Variants in NEU3 observed in about 807,000 individuals in gnomAD.
NEU3 encodes the protein sialidase-3.
NEU3 carries 10 observed loss-of-function variants against 11.4 expected under a neutral mutation model. The ratio of observed to expected loss-of-function variants is 0.88; its 90% confidence interval spans 0.54 to 1.49. The LOEUF is 1.49. Among genes scored for constraint, NEU3 ranks in the 40% most tolerant of loss-of-function variants. The pLI is 0.00. For missense variants in NEU3, 529 were observed against 581.8 expected, an observed-to-expected ratio of 0.91 and a Z score of 0.93; for synonymous variants, 212 against 228.2, an observed-to-expected ratio of 0.93 and a Z score of 0.64.
rs561505270 is a variant in NEU3, at chr11:75,009,984, C to G, written c.*3492C>G. 6.6e-6 allele frequency: 1 copy of G among 152,392 alleles called. No individual in the cohort carries two copies. Among genetic ancestry groups the G allele is most frequent in the Admixed American group, 6.5e-5 (1 of 15,304 alleles). The allele number at this position is 152,392 out of a possible 1,614,324, so 9.4% of individuals were successfully genotyped here. A position where few individuals can be genotyped will look rare whatever the true frequency, so the allele number is the denominator to read the frequency against. The stretch of plus-strand genomic sequence containing the variant: ...AACCTGAGTCTCCACAGCCTCCTCC[C>G]CAGGGCAGTAGGAATTGATATCTCA... On this transcript the variant is annotated 3_prime_UTR_variant, in exon 3 of 3. Transcript: ENST00000294064.
In NEU3 at chr11:75,008,730, A is replaced by G. The variant is rs967356996; in HGVS notation, c.*2238A>G. ...CCACTACGCCCAGCTAATTTTTTGT[A>G]TTTTTAGTAGAGACGGGGTTTCACC... is the stretch of plus-strand genomic sequence containing the variant. On this transcript the variant is annotated 3_prime_UTR_variant, in exon 3 of 3. Transcript: ENST00000294064. 2.2e-4 allele frequency: 34 copies of G among 151,706 alleles called. No homozygotes were observed. The highest frequency in any genetic ancestry group is 4.6e-4 in the Non-Finnish European group (31 of 67,948). The allele number at this position is 151,706 out of a possible 1,614,324, so 9.4% of individuals were successfully genotyped here.
In NEU3 at chr11:75,005,520, C is replaced by T; in HGVS notation, c.414C>T (p.Ile138=). 1 of 1,614,008 alleles carries T rather than the reference C, an allele frequency of 6.2e-7. No individual in the cohort carries two copies. The highest frequency in any genetic ancestry group is 8.5e-7 in the Non-Finnish European group (1 of 1,179,892). ...GTGGTTGTGTGTTCCTGTTCTTCAT[C>T]TGTGTGCGGGGCCATGTCACAGAGC... The part of the protein sequence containing the change: ...QKSGCVFLFF[I]CVRGHVTERQ... Residue 138 remains isoleucine, a synonymous_variant, in exon 3 of 3, where the codon ATC becomes ATT. Transcript: ENST00000294064.
Position 75,005,816 on chromosome 11 carries a change from A to G in NEU3, c.710A>G (p.Tyr237Cys). The G allele has an allele frequency of 6.2e-7, 1 of 1,613,980 alleles. No homozygotes were observed. The highest frequency in any genetic ancestry group is 8.5e-7 in the Non-Finnish European group (1 of 1,179,892). The stretch of plus-strand genomic sequence containing the variant: ...ACCAGGCCTCATTCTCTGATGATCT[A>G]CAGTGATGACCTAGGGGTCACATGG... Reference protein sequence around the residue: ...CKTRPHSLMIYSDDLGVTWHH... With the variant: ...CKTRPHSLMICSDDLGVTWHH... Residue 237 changes from tyrosine (Y) to cysteine (C), a missense_variant, in exon 3 of 3, where the codon TAC becomes TGC. Coordinates refer to ENST00000294064, the MANE Select transcript of NEU3 (RefSeq NM_006656.6).
chr11:75,003,308 G>T (rs1243439687), intron 2 of NEU3, among the ~76,000 whole-genome samples: 1 of 152,176 alleles, frequency 6.6e-6, no homozygotes, highest in African/African-American at 2.4e-5. Flanking sequence ...CAGCCTTTCA[G>T]TTACTTCTTT....
At chr11:75,016,371 A>G (rs1948981427) in intron 3 of NEU3, among the ~76,000 whole-genome samples, 1 of 152,178 alleles carries the variant, frequency 6.6e-6, no homozygotes, top group Non-Finnish European at 1.5e-5. Flanking sequence ...TTTGGGGTCA[A>G]GGCATTGGAA....
Position 75,010,416 on chromosome 11 carries a change from T to C in NEU3, c.*3924T>C, listed in dbSNP as rs376601996. On this transcript the variant is annotated 3_prime_UTR_variant, in exon 3 of 3. Coordinates refer to ENST00000294064, the MANE Select transcript of NEU3 (RefSeq NM_006656.6). ...AACCATCCTTGGCCTCTGGAGCTAATTGAGAAGGCTAGGGGGAGTTCCGCT... is the reference window on the plus strand; with the variant it reads ...AACCATCCTTGGCCTCTGGAGCTAACTGAGAAGGCTAGGGGGAGTTCCGCT... 7.9e-5 allele frequency: 12 copies of C among 152,226 alleles called. No individual in the cohort carries two copies. Among genetic ancestry groups the C allele is most frequent in the African/African-American group, 2.9e-4 (12 of 41,456 alleles). 9.4% of individuals were successfully genotyped at this position (152,226 alleles called of 1,614,324 possible).
chr11:75,004,186 T>C (rs1303727099), intron 2 of NEU3: 5 of 455,328 alleles, frequency 1.1e-5, no homozygotes, highest in Admixed American at 5.3e-5. Flanking sequence ...AATCCATATA[T>C]GAAAGTCCAG....
At chr11:74,999,923 C>T (rs1010776582) in intron 2 of NEU3, among the ~76,000 whole-genome samples, 1 of 152,174 alleles carries the variant, frequency 6.6e-6, no homozygotes, top group African/African-American at 2.4e-5. Context: ...CTTTCTGTAA[C>T]TTCTTAGGGC....
At chr11:75,001,779 A>T (rs918678545) in intron 2 of NEU3, among the ~76,000 whole-genome samples, 1 of 152,182 alleles carries the variant, frequency 6.6e-6, no homozygotes, top group East Asian at 1.9e-4. Flanking sequence ...ACCTGGCTCA[A>T]ATAATTTTCT....
At chr11:74,999,362 C>T (rs939595751) in intron 2 of NEU3, among the ~76,000 whole-genome samples, 1 of 152,220 alleles carries the variant, frequency 6.6e-6, no homozygotes, top group Non-Finnish European at 1.5e-5. Flanking sequence ...ACTCAGTAGT[C>T]ACACACATCC....
At chr11:74,984,361 A>G (rs944923107), upstream of NEU3, among the ~76,000 whole-genome samples, 2 of 152,188 alleles carry the variant, frequency 1.3e-5, no homozygotes, top group Non-Finnish European at 2.9e-5. Flanking sequence ...CCTTTAAGGC[A>G]CTTCATTACA....
At chr11:75,014,362 C>T (rs1948972462), downstream of NEU3, among the ~76,000 whole-genome samples, 1 of 152,114 alleles carries the variant, frequency 6.6e-6, no homozygotes, top group Non-Finnish European at 1.5e-5. Flanking sequence ...GGGACTACAG[C>T]CAGTAACCCT....
chr11:75,000,125 A>G (rs919679852), intron 2 of NEU3, among the ~76,000 whole-genome samples: 12 of 152,336 alleles, frequency 7.9e-5, no homozygotes, highest in Admixed American at 5.2e-4. Context: ...TTGAAAGTAA[A>G]ATAGCACTTT....
At chr11:74,983,163 C>T in the NEU3 span, among the ~76,000 whole-genome samples, 42 of 152,056 alleles carry the variant, frequency 2.8e-4, no homozygotes, top group Non-Finnish European at 5.0e-4. Context: ...GGGATAATTG[C>T]ATGGGAAAGG....
At chr11:74,991,467 G>A (rs933640203) in intron 1 of NEU3, among the ~76,000 whole-genome samples, 7 of 152,224 alleles carry the variant, frequency 4.6e-5, no homozygotes, top group Non-Finnish European at 1.0e-4. Flanking sequence ...CTAGGAGGCT[G>A]TAGCCAAAAG....
rs1948907550 is a variant in NEU3 at position 75,007,110 on chromosome 11, T to G, written c.*618T>G. The G allele has an allele frequency of 6.6e-6, 1 of 152,374 alleles. No individual in the cohort carries two copies. Among genetic ancestry groups the G allele is most frequent in the Non-Finnish European group, 1.5e-5 (1 of 68,164 alleles). 9.4% of individuals were successfully genotyped at this position (152,374 alleles called of 1,614,324 possible). On this transcript the variant is annotated 3_prime_UTR_variant, in exon 3 of 3. Transcript: ENST00000294064. Reference sequence around the variant, plus strand: ...AAGAATCATGAAGTCTCCTACCTTCTACAGCCTTGTAGTTCTGCTTACCTT... The same window carrying G: ...AAGAATCATGAAGTCTCCTACCTTCGACAGCCTTGTAGTTCTGCTTACCTT...
intron 2 of NEU3, among the ~76,000 whole-genome samples, chr11:74,999,719 G>C (rs1036767188): frequency 6.6e-6 from 1 of 152,202 alleles, no homozygotes; most frequent in Non-Finnish European, 1.5e-5. Context: ...TGCTGTGGCA[G>C]CTGGTTTTTA....
Position 75,006,374 on chromosome 11 carries a change from CCAAG to C in NEU3, c.1273_1276del (p.Gln425SerfsTer16). 2 of 1,613,926 alleles carry C rather than the reference CCAAG, an allele frequency of 1.2e-6. No individual in the cohort carries two copies. Among genetic ancestry groups the C allele is most frequent in the Non-Finnish European group, 1.7e-6 (2 of 1,179,894 alleles). ...TTTGGGTGTTTGTTTGAATGTGGGA[CCAAG>C]CAAGAGTGTGAGCAGATTGCCTTCC... On this transcript the variant is annotated frameshift_variant, in exon 3 of 3. Coordinates refer to ENST00000294064, the MANE Select transcript of NEU3 (RefSeq NM_006656.6). LOFTEE classifies it low-confidence loss of function (END_TRUNC).
chr11:75,012,197 T>G (rs1591765367), downstream of NEU3, among the ~76,000 whole-genome samples: 1 of 152,180 alleles, frequency 6.6e-6, no homozygotes, highest in African/African-American at 2.4e-5. Flanking sequence ...CTAAATACTT[T>G]GAGGAAAGGA....
Sources: allele counts gnomAD v4.1 joint callset (sites outside exome capture counted in the v4.1 genomes callset), GRCh38; gene constraint gnomAD v4.1.1; transcripts MANE v1.5; gene names NCBI Gene and HGNC (gene_info 2026-07-23, HGNC 2026-07-21).